The following LRRFIP1 variants were observed in gnomAD, a reference collection of about 807,000 sequenced individuals.
LRRFIP1 encodes LRR binding FLII interacting protein 1, also known as leucine-rich repeat flightless-interacting protein 1.
Under a neutral mutation model 104.4 loss-of-function variants are expected in LRRFIP1, and 62 were observed. The observed-to-expected ratio is 0.59, with a 90% CI of 0.48 to 0.73. LRRFIP1 has a LOEUF of 0.73. Ranked by LOEUF, LRRFIP1 falls within the 30% of genes least tolerant of loss-of-function variation. LRRFIP1 has a pLI of 0.00. For synonymous variants in LRRFIP1, 300 were observed against 299.0 expected (o/e 1.00, Z -0.03); for missense variants, 796 against 824.5 (o/e 0.97, Z 0.42).
intron 2 of LRRFIP1, among the ~76,000 whole-genome samples, chr2:237,712,734 T>G (rs530168655): frequency 1.2e-4 from 18 of 152,340 alleles, no homozygotes; most frequent in Admixed American, 9.8e-4. Flanking sequence ...TAGTGGGGTC[T>G]GAGCTTGCAC....
At chr2:237,719,908 G>A (rs971515732) in intron 5 of LRRFIP1, among the ~76,000 whole-genome samples, 1 of 148,804 alleles carries the variant, frequency 6.7e-6, no homozygotes, top group South Asian at 2.1e-4. Flanking sequence ...TATATTACCC[G>A]TGAGATAAAG....
rs779829210 is a variant in LRRFIP1 at position 237,714,309 on chromosome 2, A to C, written c.201+33A>C. On this transcript the variant is annotated intron_variant, in intron 3 of 23. Transcript: ENST00000308482. ...CTTCTTTCTTTATTTTCTAACTTGCATGTACTGTTTTTTCCTTGCCAAGGG... is the reference window on the plus strand; with the variant it reads ...CTTCTTTCTTTATTTTCTAACTTGCCTGTACTGTTTTTTCCTTGCCAAGGG... 5.7e-6 allele frequency: 9 copies of C among 1,578,298 alleles called. No homozygotes were observed. The East Asian group carries it at 2.0e-4, about 35-fold the overall frequency.
At chr2:237,713,153 G>C (rs2094180799) in intron 2 of LRRFIP1, among the ~76,000 whole-genome samples, 1 of 151,904 alleles carries the variant, frequency 6.6e-6, no homozygotes, top group Admixed American at 6.6e-5. Context: ...TGTACGGAGA[G>C]GGGAGGTGGC....
At position 237,780,545 on chromosome 2, in the gene LRRFIP1, A is replaced by G; in HGVS notation, c.*1013A>G. Among the ~76,000 whole-genome samples the G allele has an allele frequency of 6.6e-6, 1 of 152,234 alleles. No individual in the cohort carries two copies. Among genetic ancestry groups the G allele is most frequent in the South Asian group, 2.1e-4 (1 of 4,836 alleles). On this transcript the variant is annotated 3_prime_UTR_variant, in exon 24 of 24. Coordinates refer to ENST00000308482, the MANE Select transcript of LRRFIP1 (RefSeq NM_001137550.2). ...GCAATATCATCAAGGACAAAAGTAA[A>G]AACGTTTAGCTACCTGCTGATTTTT...
At chr2:237,681,702 C>T (rs1159410836) in intron 1 of LRRFIP1, among the ~76,000 whole-genome samples, 1 of 11,122 alleles carries the variant, frequency 9.0e-5, no homozygotes, top group Non-Finnish European at 2.2e-4. Flanking sequence ...TTTTTTGAGA[C>T]GGAGTCTCGC....
In LRRFIP1 at chr2:237,717,128, A is replaced by C. The variant is rs1189807221; in HGVS notation, c.202-634A>C. 1.3e-5 allele frequency among the ~76,000 whole-genome samples: 2 copies of C among 152,122 alleles called. No individual in the cohort carries two copies. Among genetic ancestry groups the C allele is most frequent in the East Asian group, 1.9e-4 (1 of 5,202 alleles). ...CAAAAGATTGGACACCCCTGAGCTAATGTCACCTCCAGACATACATAACTT... is the reference window on the plus strand; with the variant it reads ...CAAAAGATTGGACACCCCTGAGCTACTGTCACCTCCAGACATACATAACTT... On this transcript the variant is annotated intron_variant, in intron 3 of 23. Transcript: ENST00000308482. The surrounding 1 kb of genome is among the most constrained non-coding windows in gnomAD (Gnocchi z 4.2).
rs1472043166 is a variant in LRRFIP1 at position 237,780,623 on chromosome 2, CT to C, written c.*1095del. Among the ~76,000 whole-genome samples, 2 of 152,148 alleles carry C rather than the reference CT, an allele frequency of 1.3e-5. No individual in the cohort carries two copies. The highest frequency in any genetic ancestry group is 6.5e-5 in the Admixed American group (1 of 15,282). ...AAGTATGGCTGGTGAAGCCAGTCAG[CT>C]TTTCGGGACGTTAGCAAGTGGAAAC... On this transcript the variant is annotated 3_prime_UTR_variant, in exon 24 of 24. Transcript: ENST00000308482.
chr2:237,735,384 T>C lies in LRRFIP1; in HGVS notation c.555+51T>C. The C allele has an allele frequency of 6.4e-7, 1 of 1,556,712 alleles. No homozygotes were observed. On this transcript the variant is annotated intron_variant, in intron 10 of 23. Transcript: ENST00000308482. The surrounding 1 kb of genome is among the most constrained non-coding windows in gnomAD (Gnocchi z 4.6). ...TTTCCCCCGTGCCTGCTGCATGGCC[T>C]GGGGATGCTCGCTGGGCAGGGTCCA...
chr2:237,746,246 A>G (rs772473015), intron 11 of LRRFIP1, among the ~76,000 whole-genome samples: 5 of 152,022 alleles, frequency 3.3e-5, no homozygotes, highest in Non-Finnish European at 5.9e-5. Flanking sequence ...TTTAATAGAG[A>G]CAGGGTTTCG....
At chr2:237,663,533 G>T (rs923196249) in intron 1 of LRRFIP1, among the ~76,000 whole-genome samples, 6 of 152,230 alleles carry the variant, frequency 3.9e-5, no homozygotes, top group African/African-American at 1.4e-4. Flanking sequence ...CTGGCACCTT[G>T]ATCTTGGGCT....
At chr2:237,710,854 C>T (rs775848357) in intron 2 of LRRFIP1, among the ~76,000 whole-genome samples, 1 of 152,166 alleles carries the variant, frequency 6.6e-6, no homozygotes, top group African/African-American at 2.4e-5. Context: ...CCATCTGTTG[C>T]TGGACTCCCA....
intron 16 of LRRFIP1, 105 bp downstream of exon 16, chr2:237,756,292 G>A (rs2059258318): frequency 1.3e-6 from 1 of 742,182 alleles, no homozygotes; most frequent in African/African-American, 1.8e-5. Flanking sequence ...ACCATACACA[G>A]CATGGCTTAA....
chr2:237,756,041 G>T lies in LRRFIP1; in HGVS notation c.1039-54G>T, dbSNP rs189761447. The T allele has an allele frequency of 9.1e-6, 11 of 1,212,670 alleles. No homozygotes were observed. In the East Asian group the frequency reaches 2.6e-4, roughly 29 times the overall value. 75.1% of individuals were successfully genotyped at this position (1,212,670 alleles called of 1,614,324 possible). A position where few individuals can be genotyped will look rare whatever the true frequency, so the allele number is the denominator to read the frequency against. The stretch of plus-strand genomic sequence containing the variant: ...CTATAAATCGTGAGAGCCTGAACTG[G>T]CATGCCAGAAACATGGGATTCCACT... On this transcript the variant is annotated intron_variant, in intron 15 of 23. Coordinates refer to ENST00000308482, the MANE Select transcript of LRRFIP1 (RefSeq NM_001137550.2).
chr2:237,749,941 G>T (rs951196294), intron 13 of LRRFIP1, among the ~76,000 whole-genome samples: 1 of 152,216 alleles, frequency 6.6e-6, no homozygotes, highest in Admixed American at 6.5e-5. Context: ...ACTAGGGACA[G>T]TGCATCTGAA....
chr2:237,719,434 T>C (rs2094459511), intron 4 of LRRFIP1, 89 bp from the exon 5 acceptor site: 5 of 803,798 alleles, frequency 6.2e-6, no homozygotes, highest in Middle Eastern at 4.5e-4. Flanking sequence ...TGCTGTATTA[T>C]GGTGCAGTGG....
intron 18 of LRRFIP1, among the ~76,000 whole-genome samples, chr2:237,759,821 C>A (rs1012948573): frequency 6.6e-6 from 1 of 152,174 alleles, no homozygotes; most frequent in Admixed American, 6.5e-5. Flanking sequence ...AGTAGCTTGT[C>A]ACCAGCAAAT....
intron 2 of LRRFIP1, among the ~76,000 whole-genome samples, chr2:237,712,639 G>C (rs1305341280): frequency 6.6e-6 from 1 of 151,934 alleles, no homozygotes; most frequent in Non-Finnish European, 1.5e-5. Context: ...GTGTGTGCGT[G>C]TGCATGTGTG....
At chr2:237,646,612 A>G (rs34099406) in intron 1 of LRRFIP1, among the ~76,000 whole-genome samples, 19,625 of 151,870 alleles carry the variant, frequency 0.13, 1,979 homozygotes, top group Non-Finnish European at 0.2. Context: ...TCTCTAAGAA[A>G]GTAATTAAGG....
chr2:237,683,955 CT>C (rs745548453), intron 1 of LRRFIP1, among the ~76,000 whole-genome samples: 46 of 152,086 alleles, frequency 3.0e-4, no homozygotes, highest in African/African-American at 1.0e-3. Flanking sequence ...CCCCACACTT[CT>C]TTTTTTTGTG....
Sources: gnomAD v4.1 joint callset for allele counts (sites outside exome capture counted in the v4.1 genomes callset) on GRCh38, gnomAD v4.1.1 for gene constraint, Gnocchi (gnomAD v3.1) non-coding constraint, MANE v1.5 for transcripts, NCBI Gene and HGNC (gene_info 2026-07-23, HGNC 2026-07-21) for gene names.